TPM1: variants seen among roughly 807,000 people sequenced by gnomAD.
The protein encoded by TPM1 is tropomyosin alpha-1 chain.
A neutral mutation model predicts 42.9 loss-of-function variants in TPM1; 24 were observed. The ratio of observed to expected loss-of-function variants is 0.56; its 90% CI spans 0.41 to 0.79. The LOEUF is 0.79. TPM1 is among the 30% of genes least tolerant of loss of function. The pLI, the probability that TPM1 is intolerant of heterozygous loss-of-function variation, is 0.00. For missense variants in TPM1, 158 were observed against 351.8 expected, an observed-to-expected ratio of 0.45 and a Z score of 4.41; for synonymous variants, 136 against 130.1, an observed-to-expected ratio of 1.05 and a Z score of -0.31.
At chr15:63,068,525 C>T (rs754453076), downstream of TPM1, among the ~76,000 whole-genome samples, 8 of 152,138 alleles carry the variant, frequency 5.3e-5, no homozygotes, top group Admixed American at 3.3e-4. Context: ...CTGACAGACC[C>T]GGGGGCTGCA....
chr15:63,060,820 A>G (rs2035509968), intron 4 of TPM1, 49 bp from the exon 5 acceptor site: 2 of 1,610,148 alleles, frequency 1.2e-6, no homozygotes, highest in African/African-American at 2.7e-5. Flanking sequence ...CTTCTGTTAC[A>G]CAAAGCTTGC....
intron 8 of TPM1, 152 bp downstream of exon 8, chr15:63,062,797 CT>C: frequency 1.9e-6 from 3 of 1,544,880 alleles, no homozygotes; most frequent in Non-Finnish European, 2.6e-6. Context: ...CTCTGTGGCT[CT>C]TGAACTCATG....
At chr15:63,055,601 A>G (rs2034647290) in intron 2 of TPM1, 1 of 152,238 alleles carries the variant, frequency 6.6e-6, no homozygotes, top group East Asian at 1.9e-4. Flanking sequence ...TGAGCAGCTT[A>G]CAGTTCAATG....
downstream of TPM1, chr15:63,066,250 T>C: frequency 1.7e-6 from 2 of 1,144,116 alleles, no homozygotes; most frequent in South Asian, 4.6e-5. Flanking sequence ...ATCAGGAGTT[T>C]CTAAAGCAGT....
intron 4 of TPM1, 176 bp downstream of exon 4, chr15:63,059,856 T>C (rs781143838): frequency 2.1e-6 from 1 of 485,070 alleles, no homozygotes; most frequent in Non-Finnish European, 3.9e-6. Flanking sequence ...TTAATCCTGC[T>C]AGGGGATCCC....
At chr15:63,063,941 C>T in intron 8 of TPM1, 123 bp from the exon 9 acceptor site, 1 of 1,439,436 alleles carries the variant, frequency 6.9e-7, no homozygotes, top group Non-Finnish European at 9.3e-7. Context: ...GCACCAACCC[C>T]TTCATGCATT....
rs551070130 is a variant in TPM1 at position 63,050,142 on chromosome 15, G to A, written c.240+5990G>A. On this transcript the variant is annotated intron_variant, in intron 2 of 9. Transcript: ENST00000403994. ...GTACACTGATGCTTGGCGCAAAAGG[G>A]TAAGTGCTGTGTGCCCGCTGTCATT... 2.6e-5 allele frequency among the ~76,000 whole-genome samples: 4 copies of A among 152,326 alleles called. No homozygotes were observed. In the South Asian group the frequency reaches 6.2e-4, roughly 24 times the overall value.
intron 1 of TPM1, chr15:63,043,618 G>A: frequency 2.0e-6 from 3 of 1,529,800 alleles, no homozygotes; most frequent in Non-Finnish European, 8.7e-7. Flanking sequence ...GAGCCCGAGG[G>A]GCCCCAGCCA....
At chr15:63,048,111 C>A in intron 2 of TPM1, 2 of 416,952 alleles carry the variant, frequency 4.8e-6, no homozygotes, top group African/African-American at 2.1e-5. Flanking sequence ...GGAATCTGGA[C>A]TCGGGAGCGG....
intron 1 of TPM1, 100 bp downstream of exon 1, chr15:63,043,043 C>T: frequency 7.5e-6 from 8 of 1,071,300 alleles, no homozygotes; most frequent in Non-Finnish European, 9.8e-6. Flanking sequence ...GGAGCCACCA[C>T]CCTACCCCCA....
At chr15:63,054,984 C>T (rs1453342364) in intron 2 of TPM1, among the ~76,000 whole-genome samples, 1 of 150,630 alleles carries the variant, frequency 6.6e-6, no homozygotes, top group African/African-American at 2.4e-5. Context: ...TTACCTGACC[C>T]AAAAGTATAT....
chr15:63,048,926 C>T (rs751240374), intron 2 of TPM1: 3 of 657,294 alleles, frequency 4.6e-6, no homozygotes, highest in Admixed American at 4.8e-5. Context: ...CCAAAGTAAA[C>T]GCTCCCAGGG....
At chr15:63,053,800 G>C (rs913169926) in intron 2 of TPM1, among the ~76,000 whole-genome samples, 1 of 150,200 alleles carries the variant, frequency 6.7e-6, no homozygotes, top group Non-Finnish European at 1.5e-5. Context: ...TCCTGCCTCA[G>C]CCTCCTGAGT....
At position 63,060,867 on chromosome 15, in the gene TPM1, A is replaced by G. The variant is rs771589114; in HGVS notation, c.493-2A>G. 6.2e-7 allele frequency: 1 copy of G among 1,614,202 alleles called. No individual in the cohort carries two copies. The highest frequency in any genetic ancestry group is 1.1e-5 in the South Asian group (1 of 91,082). ...TGTGTGTGTTGTGTCTTCCTGCTGC[A>G]GGTGGCCCGTAAGCTGGTCATCATT... On this transcript the variant is annotated splice_acceptor_variant, in intron 4 of 9. Transcript: ENST00000403994. LOFTEE classifies it high-confidence loss of function.
At chr15:63,070,892 C>G (rs2036573564), downstream of TPM1, 1 of 1,370,820 alleles carries the variant, frequency 7.3e-7, no homozygotes, top group African/African-American at 1.5e-5. Flanking sequence ...AGAATCCGTG[C>G]CATGGCTCCT....
intron 2 of TPM1, chr15:63,048,348 G>T: frequency 8.4e-7 from 1 of 1,187,516 alleles, no homozygotes; most frequent in Non-Finnish European, 1.1e-6. Context: ...GGGATCCACG[G>T]CGCGCGCCCC....
downstream of TPM1, chr15:63,069,934 T>A: frequency 6.2e-7 from 1 of 1,614,010 alleles, no homozygotes; most frequent in African/African-American, 1.3e-5. Context: ...TGGCCCTGAA[T>A]GAGGATTAAA....
At chr15:63,043,565 G>C (rs770675142) in intron 1 of TPM1, 8 of 1,342,666 alleles carry the variant, frequency 6.0e-6, no homozygotes, top group Non-Finnish European at 8.2e-6. Context: ...GGGTAAAGAG[G>C]AAGTTACCTC....
intron 2 of TPM1, among the ~76,000 whole-genome samples, chr15:63,049,925 CAT>C (rs1395255748): frequency 6.6e-6 from 1 of 152,160 alleles, no homozygotes. Flanking sequence ...GTCCTTGAAC[CAT>C]TAGAACTATA....
Sources: allele counts gnomAD v4.1 joint callset (sites outside exome capture counted in the v4.1 genomes callset), GRCh38; gene constraint gnomAD v4.1.1; transcripts MANE v1.5; gene names NCBI Gene and HGNC (gene_info 2026-07-23, HGNC 2026-07-21).